ZNG1A: variants seen among roughly 807,000 people sequenced by gnomAD.
ZNG1A encodes zinc-regulated GTPase metalloprotein activator 1A.
chr9:175,879 T>C, the ZNG1A span: 9 of 1,387,042 alleles, frequency 6.5e-6, no homozygotes, highest in Non-Finnish European at 8.7e-6. Flanking sequence ...AGAATTTGCG[T>C]GCTATTTTTC....
the ZNG1A span, among the ~76,000 whole-genome samples, chr9:173,943 C>T: frequency 2.0e-5 from 3 of 151,886 alleles, no homozygotes; most frequent in South Asian, 4.2e-4. Flanking sequence ...GTCAGGAGAC[C>T]GAGACCATCC....
chr9:155,946 A>AAAAAAT, the ZNG1A span, among the ~76,000 whole-genome samples: 1 of 150,132 alleles, frequency 6.7e-6, no homozygotes, highest in Non-Finnish European at 1.5e-5. Context: ...TCTCTACTAA[A>AAAAAAT]AAAAATAAAA....
chr9:156,531 A>G, the ZNG1A span: 2 of 1,595,936 alleles, frequency 1.3e-6, no homozygotes, highest in Non-Finnish European at 1.7e-6. Context: ...TTAAATGCTA[A>G]ACAAAAAAAA....
chr9:165,082 T>C, the ZNG1A span, among the ~76,000 whole-genome samples: 1 of 152,212 alleles, frequency 6.6e-6, no homozygotes, highest in African/African-American at 2.4e-5. Flanking sequence ...GAAATTACTT[T>C]ACCATGACAA....
the ZNG1A span, chr9:167,099 T>TG: frequency 6.7e-6 from 1 of 148,866 alleles, no homozygotes; most frequent in South Asian, 2.1e-4. Context: ...CATTTTAGAT[T>TG]AAAAAAAAAA....
chr9:141,668 C>G, the ZNG1A span, among the ~76,000 whole-genome samples: 2 of 151,566 alleles, frequency 1.3e-5, no homozygotes, highest in Non-Finnish European at 2.9e-5. Context: ...ATCATAATGA[C>G]AGGATCAAAT....
At chr9:150,955 T>G in the ZNG1A span, 1 of 982,440 alleles carries the variant, frequency 1.0e-6, no homozygotes, top group African/African-American at 1.8e-5. Context: ...TGCACTTGTC[T>G]GTGTGACATT....
chr9:122,452 A>C, the ZNG1A span: 1 of 1,113,392 alleles, frequency 9.0e-7, no homozygotes, highest in Non-Finnish European at 1.1e-6. Context: ...AATGTTTCAC[A>C]GTTTTCGTGG....
At chr9:157,279 G>C in the ZNG1A span, among the ~76,000 whole-genome samples, 1 of 146,532 alleles carries the variant, frequency 6.8e-6, no homozygotes, top group African/African-American at 2.5e-5. Context: ...GGCAAGCTTT[G>C]TTGTCTGTTT....
the ZNG1A span, among the ~76,000 whole-genome samples, chr9:176,082 T>A: frequency 6.7e-6 from 1 of 148,194 alleles, no homozygotes; most frequent in Non-Finnish European, 1.5e-5. Context: ...AATGACCTTT[T>A]ATTTCAACAT....
the ZNG1A span, chr9:172,077 T>C: frequency 3.7e-6 from 6 of 1,610,878 alleles, no homozygotes; most frequent in Non-Finnish European, 2.5e-6. Flanking sequence ...ATCTCACTTC[T>C]TACCAGGGTC....
At chr9:152,202 A>G in the ZNG1A span, 4 of 356,570 alleles carry the variant, frequency 1.1e-5, no homozygotes, top group African/African-American at 2.1e-5. Context: ...CTGGAACCAG[A>G]AAAAAATTAA....
chr9:166,953 A>G, the ZNG1A span: 1 of 152,190 alleles, frequency 6.6e-6, no homozygotes, highest in Non-Finnish European at 1.5e-5. Flanking sequence ...AAAAGTATTC[A>G]TGGTAATAAA....
the ZNG1A span, among the ~76,000 whole-genome samples, chr9:157,591 A>C: frequency 1.5e-4 from 23 of 148,606 alleles, no homozygotes; most frequent in African/African-American, 5.5e-4. Flanking sequence ...TAAAGGAAGA[A>C]ACTAAATCTA....
chr9:131,405 A>G, the ZNG1A span, among the ~76,000 whole-genome samples: 1 of 150,616 alleles, frequency 6.6e-6, no homozygotes, highest in Non-Finnish European at 1.5e-5. Context: ...TTTGCAAACA[A>G]TACCTAGCAT....
At chr9:139,222 G>C in the ZNG1A span, among the ~76,000 whole-genome samples, 2 of 149,770 alleles carry the variant, frequency 1.3e-5, no homozygotes, top group African/African-American at 2.5e-5. Flanking sequence ...CAAAAACATG[G>C]ATGAACCTTG....
the ZNG1A span, chr9:163,865 C>G: frequency 9.2e-7 from 1 of 1,083,828 alleles, no homozygotes; most frequent in Non-Finnish European, 1.3e-6. Context: ...TGCAGTGAGC[C>G]GAGATCATGC....
the ZNG1A span, among the ~76,000 whole-genome samples, chr9:156,274 T>A: frequency 0.027 from 4,109 of 151,238 alleles, 96 homozygotes; most frequent in Middle Eastern, 0.058. Context: ...CAGCATTCAC[T>A]TTATGCTACG....
At chr9:158,540 T>C in the ZNG1A span, among the ~76,000 whole-genome samples, 2 of 150,868 alleles carry the variant, frequency 1.3e-5, no homozygotes, top group Non-Finnish European at 2.9e-5. Flanking sequence ...GATTTATTTT[T>C]GCATTTCCAT....
Sources: gnomAD v4.1 joint callset for allele counts (sites outside exome capture counted in the v4.1 genomes callset) on GRCh38, gnomAD v4.1.1 for gene constraint, MANE v1.5 for transcripts, NCBI Gene and HGNC (gene_info 2026-07-23, HGNC 2026-07-21) for gene names.